The following GOLM1 variants were observed in gnomAD, a reference collection of about 807,000 sequenced individuals.
GOLM1 encodes the protein golgi membrane protein 1, also known as epididymis luminal protein 46.
Under a neutral mutation model 50.5 loss-of-function variants are expected in GOLM1, and 31 were observed. The observed-to-expected ratio is 0.61, with a 90% CI of 0.46 to 0.83. GOLM1 has a LOEUF of 0.83. Ranked by LOEUF, GOLM1 falls within the 40% of genes least tolerant of loss-of-function variation. The pLI is 0.00. For synonymous variants in GOLM1, 178 were observed against 192.8 expected (o/e 0.92, Z 0.64); for missense variants, 491 against 501.3 (o/e 0.98, Z 0.20).
chr9:86,082,460 C>T (rs577273525), intron 1 of GOLM1, among the ~76,000 whole-genome samples: 1 of 151,724 alleles, frequency 6.6e-6, no homozygotes, highest in East Asian at 1.9e-4. Context: ...GCTGAAATAG[C>T]TGCCTAGTGG....
chr9:86,070,345 G>A (rs932419257), intron 3 of GOLM1, among the ~76,000 whole-genome samples: 6 of 152,002 alleles, frequency 3.9e-5, no homozygotes, highest in Non-Finnish European at 8.8e-5. Flanking sequence ...AGGCCAAGGT[G>A]GGCGGATCAC....
intron 6 of GOLM1, among the ~76,000 whole-genome samples, chr9:86,039,775 C>CT (rs1167505713): frequency 6.6e-6 from 1 of 152,076 alleles, no homozygotes; most frequent in Non-Finnish European, 1.5e-5. Context: ...CAAGACCAGC[C>CT]TGGCCAACAT....
intron 1 of GOLM1, among the ~76,000 whole-genome samples, chr9:86,091,608 G>C (rs1021533270): frequency 6.6e-6 from 1 of 152,132 alleles, no homozygotes; most frequent in Non-Finnish European, 1.5e-5. Context: ...GCCCAGGCTG[G>C]AGTGCAGTGG....
chr9:86,077,769 A>T (rs1834663389), intron 2 of GOLM1, 178 bp from the exon 3 acceptor site: 1 of 569,894 alleles, frequency 1.8e-6, no homozygotes, highest in Non-Finnish European at 3.1e-6. Flanking sequence ...TTCTTCTGGA[A>T]AAAATGGTCT....
At chr9:86,065,453 C>G (rs570364002) in intron 3 of GOLM1, among the ~76,000 whole-genome samples, 4 of 152,348 alleles carry the variant, frequency 2.6e-5, no homozygotes, top group Admixed American at 1.3e-4. Flanking sequence ...CCACTTTTAT[C>G]TGCACAAGAT....
At chr9:86,047,955 T>C (rs182891942) in intron 4 of GOLM1, among the ~76,000 whole-genome samples, 286 of 152,284 alleles carry the variant, frequency 1.9e-3, no homozygotes, top group African/African-American at 6.5e-3. Context: ...TGTATACATG[T>C]GCCATGTTGG....
chr9:86,043,743 T>C (rs1410132064), intron 5 of GOLM1, among the ~76,000 whole-genome samples: 4 of 152,178 alleles, frequency 2.6e-5, no homozygotes, highest in Non-Finnish European at 5.9e-5. Flanking sequence ...GAGTGCATCC[T>C]ACATGTGTCT....
intron 3 of GOLM1, among the ~76,000 whole-genome samples, chr9:86,053,691 C>G (rs796499381): frequency 9.5e-6 from 1 of 104,948 alleles, no homozygotes; most frequent in East Asian, 4.0e-4. Flanking sequence ...TCCACACACA[C>G]CACACACATC....
At chr9:86,068,176 A>C (rs1834359524) in intron 3 of GOLM1, among the ~76,000 whole-genome samples, 1 of 152,188 alleles carries the variant, frequency 6.6e-6, no homozygotes. Flanking sequence ...AGGCCATGTG[A>C]GGTGGAAATT....
At chr9:86,077,079 G>A (rs1015884335) in intron 3 of GOLM1, among the ~76,000 whole-genome samples, 3 of 152,096 alleles carry the variant, frequency 2.0e-5, no homozygotes, top group African/African-American at 4.8e-5. Flanking sequence ...ACCTGGCATA[G>A]GCCTGGCACA....
At chr9:86,057,308 T>C (rs144145806) in intron 3 of GOLM1, among the ~76,000 whole-genome samples, 307 of 152,270 alleles carry the variant, frequency 2.0e-3, no homozygotes, top group Middle Eastern at 0.01. Context: ...CAATAAAGTA[T>C]CACATTATGA....
chr9:86,035,887 A>AAAAC (rs1833124126), intron 7 of GOLM1, among the ~76,000 whole-genome samples: 1 of 148,784 alleles, frequency 6.7e-6, no homozygotes, highest in African/African-American at 2.5e-5. Context: ...ACAAAACAAA[A>AAAAC]AAAAAAAAAC....
At chr9:86,072,651 ACTTTGT>A (rs1834482011) in intron 3 of GOLM1, among the ~76,000 whole-genome samples, 2 of 152,254 alleles carry the variant, frequency 1.3e-5, no homozygotes, top group Admixed American at 6.5e-5. Context: ...TAACTCAATT[ACTTTGT>A]AACAGCTCTA....
intron 3 of GOLM1, among the ~76,000 whole-genome samples, chr9:86,071,078 T>TACACACACACAC (rs58612344): frequency 0.03 from 4,520 of 148,288 alleles, 169 homozygotes; most frequent in East Asian, 0.11. Context: ...TATATACATG[T>TACACACACACAC]ACACACACAC....
chr9:86,074,033 A>T (rs1020136506), intron 3 of GOLM1, among the ~76,000 whole-genome samples: 2 of 152,064 alleles, frequency 1.3e-5, no homozygotes, highest in Non-Finnish European at 2.9e-5. Context: ...ACCTACCCAG[A>T]GTGACAGTGA....
In GOLM1 at chr9:86,037,988, T is replaced by C. The variant is rs542801142; in HGVS notation, c.598-1481A>G. ...TGACCAACATGGAGAAACCCCGATA[T>C]ACTAAAAAATACAAAATTAGCCAGG... On this transcript the variant is annotated intron_variant, in intron 6 of 9. Coordinates refer to ENST00000388712, the MANE Select transcript of GOLM1 (RefSeq NM_016548.4). Among the ~76,000 whole-genome samples, 6 of 151,870 alleles carry C rather than the reference T, an allele frequency of 4.0e-5. No homozygotes were observed. The South Asian group carries it at 1.3e-3, about 32-fold the overall frequency.
intron 1 of GOLM1, among the ~76,000 whole-genome samples, chr9:86,081,868 G>A (rs1259036619): frequency 3.3e-5 from 5 of 149,528 alleles, no homozygotes; most frequent in Admixed American, 2.7e-4. Context: ...CAGCCTGGGC[G>A]ACAGAGCGAG....
intron 8 of GOLM1, among the ~76,000 whole-genome samples, chr9:86,034,322 C>T (rs1440242320): frequency 2.0e-5 from 3 of 152,214 alleles, no homozygotes; most frequent in Non-Finnish European, 2.9e-5. Context: ...CTTTCTCTGG[C>T]TCACTGCCTG....
chr9:86,036,687 C>CA (rs1833157547), intron 6 of GOLM1, 180 bp from the exon 7 acceptor site: 2 of 622,314 alleles, frequency 3.2e-6, no homozygotes, highest in South Asian at 4.3e-5. Flanking sequence ...AATCAGAAGA[C>CA]AAGAGGTTGA....
Sources: allele counts gnomAD v4.1 joint callset (sites outside exome capture counted in the v4.1 genomes callset), GRCh38; gene constraint gnomAD v4.1.1; transcripts MANE v1.5; gene names NCBI Gene and HGNC (gene_info 2026-07-23, HGNC 2026-07-21).